The following POU2F3 variants were observed in gnomAD, a reference collection of about 807,000 sequenced individuals.
POU2F3 encodes POU class 2 homeobox 3, also known as POU domain, class 2, transcription factor 3.
In POU2F3, 23 loss-of-function variants were observed where a neutral mutation model predicts 59.2. The observed-to-expected ratio is 0.39, with a 90% CI of 0.28 to 0.55. POU2F3 has a LOEUF of 0.55. Ranked by LOEUF, POU2F3 falls within the 20% of genes least tolerant of loss-of-function variation. The pLI is 0.66. For synonymous variants in POU2F3, 190 were observed against 214.6 expected, an observed-to-expected ratio of 0.89 and a Z score of 1.00; for missense variants, 473 against 544.5, an observed-to-expected ratio of 0.87 and a Z score of 1.31.
At position 120,305,637 on chromosome 11, in the gene POU2F3, C is replaced by T. The variant is rs375991668; in HGVS notation, c.628-7C>T. 110 of 1,613,518 alleles carry T rather than the reference C, an allele frequency of 6.8e-5. No homozygotes were observed. Among genetic ancestry groups the T allele is most frequent in the South Asian group, 9.9e-5 (9 of 91,034 alleles). On this transcript the variant is annotated splice_region_variant and splice_polypyrimidine_tract_variant and intron_variant, in intron 7 of 12. Coordinates refer to ENST00000543440, the MANE Select transcript of POU2F3 (RefSeq NM_014352.4). ...TCATGTTCCTCCCCCTCGGTCCCCA[C>T]GCTTAGGGAGATGTGGGGCTGGCGA...
At chr11:120,297,936 ATTT>A (rs1335660134) in intron 3 of POU2F3, among the ~76,000 whole-genome samples, 12 of 113,748 alleles carry the variant, frequency 1.1e-4, no homozygotes, top group Admixed American at 9.0e-5. Flanking sequence ...ATGCCTGGCT[ATTT>A]TTTTTTTTTT....
intron 3 of POU2F3, among the ~76,000 whole-genome samples, chr11:120,279,954 C>T (rs533368265): frequency 6.6e-5 from 10 of 152,202 alleles, no homozygotes; most frequent in South Asian, 6.2e-4. Context: ...ACCGAATGCT[C>T]GTCTTGGCTC....
At chr11:120,273,576 G>A (rs1940171656) in intron 3 of POU2F3, among the ~76,000 whole-genome samples, 1 of 152,186 alleles carries the variant, frequency 6.6e-6, no homozygotes, top group Non-Finnish European at 1.5e-5. Flanking sequence ...GTGTTCTCAA[G>A]CATGACTAGT....
At chr11:120,288,610 G>C (rs549521698) in intron 3 of POU2F3, among the ~76,000 whole-genome samples, 3 of 152,270 alleles carry the variant, frequency 2.0e-5, no homozygotes, top group Non-Finnish European at 4.4e-5. Flanking sequence ...TCAATCTCAT[G>C]AAAGTATTCT....
At chr11:120,299,576 TC>T in intron 4 of POU2F3, 47 bp from the exon 5 acceptor site, 1 of 1,545,870 alleles carries the variant, frequency 6.5e-7, no homozygotes. Flanking sequence ...GGGGCTGATG[TC>T]CCCAGCTTGT....
chr11:120,273,819 C>T (rs976272312), intron 3 of POU2F3, among the ~76,000 whole-genome samples: 2 of 152,068 alleles, frequency 1.3e-5, no homozygotes, highest in African/African-American at 4.8e-5. Context: ...AGTTCAAGAC[C>T]AGCCTGGTCA....
intron 3 of POU2F3, among the ~76,000 whole-genome samples, chr11:120,287,798 T>C (rs1940839061): frequency 6.6e-6 from 1 of 152,192 alleles, no homozygotes; most frequent in African/African-American, 2.4e-5. Flanking sequence ...ATGGCAGTGC[T>C]GCATTGCCTC....
chr11:120,287,420 G>A (rs1221150733), intron 3 of POU2F3, among the ~76,000 whole-genome samples: 2 of 152,236 alleles, frequency 1.3e-5, no homozygotes, highest in Non-Finnish European at 2.9e-5. Context: ...CAGGTATTAA[G>A]TGTGCAAAAT....
chr11:120,304,885 C>A, intron 6 of POU2F3, 145 bp from the exon 7 acceptor site: 1 of 565,012 alleles, frequency 1.8e-6, no homozygotes, highest in Non-Finnish European at 2.8e-6. Context: ...AAATATAAGA[C>A]TCCAATGTAC....
At position 120,302,300 on chromosome 11, in the gene POU2F3, C is replaced by A. The variant is rs146425412; in HGVS notation, c.376C>A (p.Leu126Ile). The A allele has an allele frequency of 6.2e-7, 1 of 1,611,490 alleles. No individual in the cohort carries two copies. Among genetic ancestry groups the A allele is most frequent in the African/African-American group, 1.3e-5 (1 of 74,862 alleles). ...QPGQQGLQPN[L>I]LPFPQQQSGL... ...CTTTCACCCAGGTCTGCAGCCAAAT[C>A]TCCTCCCCTTTCCACAGCAACAAAG... The change falls in exon 6 of 13, where the codon CTC (leucine) becomes ATC (isoleucine). Residue 126 changes from leucine to isoleucine, a missense_variant. Coordinates refer to ENST00000543440, the MANE Select transcript of POU2F3 (RefSeq NM_014352.4).
At chr11:120,268,375 C>G (rs1281268498) in intron 2 of POU2F3, among the ~76,000 whole-genome samples, 1 of 152,144 alleles carries the variant, frequency 6.6e-6, no homozygotes, top group Non-Finnish European at 1.5e-5. Context: ...GGGTCTCATT[C>G]TGTTGCCCAG....
chr11:120,316,857 C>T (rs1941800457), intron 11 of POU2F3, among the ~76,000 whole-genome samples: 1 of 152,224 alleles, frequency 6.6e-6, no homozygotes, highest in African/African-American at 2.4e-5. Context: ...TTTCTTTCCT[C>T]CTCTCTTCCT....
chr11:120,309,573 A>C lies in POU2F3; in HGVS notation c.1055A>C (p.Tyr352Ser). ...GCCACACCCATCAAACCACCTGTCT[A>C]CAACTCCCGGCTGGTGAGTGGCCAG... ...PVATPIKPPV[Y>S]NSRLVSPSGS... Residue 352 changes from tyrosine (Y) to serine (S), a missense_variant, in exon 10 of 13, where the codon TAC becomes TCC. Tyr to Ser is a moderately radical substitution (Grantham distance 144, BLOSUM62 -2). Transcript: ENST00000543440. 14 of 1,613,698 alleles carry C rather than the reference A, an allele frequency of 8.7e-6. No individual in the cohort carries two copies. The highest frequency in any genetic ancestry group is 1.1e-5 in the Non-Finnish European group (13 of 1,179,624).
At chr11:120,277,379 CCCTCCA>C (rs2135221705) in intron 3 of POU2F3, among the ~76,000 whole-genome samples, 1 of 152,300 alleles carries the variant, frequency 6.6e-6, no homozygotes, top group African/African-American at 2.4e-5. Context: ...CCAAGCCACA[CCCTCCA>C]CCTCCTTCTA....
chr11:120,315,954 C>G (rs1941775751), intron 11 of POU2F3, among the ~76,000 whole-genome samples: 1 of 151,732 alleles, frequency 6.6e-6, no homozygotes, highest in Admixed American at 6.6e-5. Flanking sequence ...CTCACCACAC[C>G]CTCTGCCTCC....
chr11:120,255,679 C>T (rs1939310563), intron 2 of POU2F3, among the ~76,000 whole-genome samples: 1 of 152,138 alleles, frequency 6.6e-6, no homozygotes, highest in Non-Finnish European at 1.5e-5. Context: ...CCACGGGACC[C>T]TGGAGAGCTG....
intron 3 of POU2F3, among the ~76,000 whole-genome samples, chr11:120,279,601 G>A (rs969541013): frequency 1.3e-5 from 2 of 152,300 alleles, no homozygotes; most frequent in Non-Finnish European, 2.9e-5. Flanking sequence ...GAAGCAGTTG[G>A]TAAACGTGTT....
chr11:120,309,752 C>T (rs969814769), intron 10 of POU2F3, among the ~76,000 whole-genome samples, 166 bp downstream of exon 10: 3 of 152,034 alleles, frequency 2.0e-5, no homozygotes, highest in Non-Finnish European at 4.4e-5. Context: ...AAGGGGATAG[C>T]GGGGAGATAC....
intron 2 of POU2F3, among the ~76,000 whole-genome samples, chr11:120,260,577 C>A (rs1452452709): frequency 6.6e-6 from 1 of 152,226 alleles, no homozygotes; most frequent in African/African-American, 2.4e-5. Context: ...GCCTTTTACT[C>A]TCTTGATCAC....
Sources: allele counts gnomAD v4.1 joint callset (sites outside exome capture counted in the v4.1 genomes callset), GRCh38; gene constraint gnomAD v4.1.1; transcripts MANE v1.5; gene names NCBI Gene and HGNC (gene_info 2026-07-23, HGNC 2026-07-21).